Variants in MACROD2 observed in about 807,000 individuals in gnomAD.
The protein encoded by MACROD2 is ADP-ribose glycohydrolase MACROD2.
MACROD2 carries 36 observed loss-of-function variants against 70.4 expected under a neutral mutation model. The ratio of observed to expected loss-of-function variants is 0.51; its 90% confidence interval spans 0.39 to 0.68. The LOEUF (loss-of-function observed/expected upper bound fraction) is 0.68, where lower values mean the gene tolerates loss of function less well. Among genes scored for constraint, MACROD2 ranks in the 30% least tolerant of loss-of-function variants. MACROD2 has a pLI of 0.00. For synonymous variants in MACROD2, 172 were observed against 178.8 expected, an observed-to-expected ratio of 0.96 and a Z score of 0.30; for missense variants, 496 against 538.4, an observed-to-expected ratio of 0.92 and a Z score of 0.78.
chr20:14,530,674 A>T (rs1046123780), intron 4 of MACROD2, among the ~76,000 whole-genome samples: 2 of 152,234 alleles, frequency 1.3e-5, no homozygotes, highest in South Asian at 4.1e-4. Flanking sequence ...GTACATTTTA[A>T]TGTTACAGAG....
chr20:15,297,343 G>T (rs1454113603), intron 6 of MACROD2, among the ~76,000 whole-genome samples: 2 of 152,112 alleles, frequency 1.3e-5, no homozygotes. Flanking sequence ...GTTACAGCGG[G>T]CTTGTATTTT....
intron 3 of MACROD2, among the ~76,000 whole-genome samples, chr20:14,295,064 A>G (rs528710256): frequency 3.1e-4 from 47 of 151,854 alleles, no homozygotes; most frequent in African/African-American, 1.1e-3. Context: ...ACCCTTAACT[A>G]TATTTTTGAA....
chr20:14,486,931 T>C (rs575341587), intron 3 of MACROD2, among the ~76,000 whole-genome samples: 1 of 152,294 alleles, frequency 6.6e-6, no homozygotes, highest in East Asian at 1.9e-4. Flanking sequence ...TATTTTTTAA[T>C]TGACCTAAGC....
intron 6 of MACROD2, among the ~76,000 whole-genome samples, chr20:15,424,920 C>T (rs2146346684): frequency 6.6e-6 from 1 of 152,328 alleles, no homozygotes; most frequent in East Asian, 1.9e-4. Context: ...GGCTGGGCAA[C>T]TGCCATCCCT....
intron 3 of MACROD2, among the ~76,000 whole-genome samples, chr20:14,137,189 T>C (rs1049952171): frequency 5.3e-5 from 8 of 152,214 alleles, no homozygotes; most frequent in Non-Finnish European, 1.2e-4. Context: ...TAGCTTACTG[T>C]TGACCTCCAG....
Position 15,878,842 on chromosome 20 carries a change from G to A in MACROD2, c.728-6922G>A, listed in dbSNP as rs73248397. Reference sequence around the variant, plus strand: ...TGAAGGGGATTCTGAAGTATATAAAGCTAGCTTTTACCCAAAACTTGTTAT... The same window carrying A: ...TGAAGGGGATTCTGAAGTATATAAAACTAGCTTTTACCCAAAACTTGTTAT... On this transcript the variant is annotated intron_variant, in intron 9 of 17. Transcript: ENST00000684519. Among the ~76,000 whole-genome samples, 995 of 152,196 alleles carry A rather than the reference G, an allele frequency of 6.5e-3. 4 individuals are homozygous for A. The highest frequency in any genetic ancestry group is 0.019 in the African/African-American group (774 of 41,546).
At chr20:14,902,534 C>G (rs977985980) in intron 5 of MACROD2, among the ~76,000 whole-genome samples, 2 of 152,068 alleles carry the variant, frequency 1.3e-5, no homozygotes, top group Admixed American at 1.3e-4. Context: ...AAAAAGTGAC[C>G]TTTTTCAGAG....
At chr20:14,869,247 G>A (rs528688132) in intron 5 of MACROD2, among the ~76,000 whole-genome samples, 2 of 152,258 alleles carry the variant, frequency 1.3e-5, no homozygotes, top group South Asian at 4.2e-4. Context: ...AATTTGAATG[G>A]CAGTAACAAA....
chr20:15,935,041 A>G (rs968217007), intron 11 of MACROD2, among the ~76,000 whole-genome samples: 1 of 152,182 alleles, frequency 6.6e-6, no homozygotes, highest in African/African-American at 2.4e-5. Context: ...ATACATGTAC[A>G]CACGCACACT....
intron 8 of MACROD2, among the ~76,000 whole-genome samples, chr20:15,852,372 C>T (rs1243231319): frequency 6.6e-6 from 1 of 152,134 alleles, no homozygotes; most frequent in African/African-American, 2.4e-5. Context: ...AAAAAGCCCC[C>T]CAAAATAAAG....
Position 13,995,595 on chromosome 20 carries a change from AGGAGGGCGGCGACT to A in MACROD2, c.-164_-151del. 1 of 704,616 alleles carries A rather than the reference AGGAGGGCGGCGACT, an allele frequency of 1.4e-6. No individual in the cohort carries two copies. The highest frequency in any genetic ancestry group is 2.6e-6 in the Non-Finnish European group (1 of 389,652). 43.6% of individuals were successfully genotyped at this position (704,616 alleles called of 1,614,324 possible). A position where few individuals can be genotyped will look rare whatever the true frequency, so the allele number is the denominator to read the frequency against. On this transcript the variant is annotated 5_prime_UTR_variant, in exon 1 of 18. Coordinates refer to ENST00000684519, the MANE Select transcript of MACROD2 (RefSeq NM_001351661.2). This position sits in a 1 kb window ranked among gnomAD's most constrained non-coding sequence, Gnocchi z 4.3. ...GCCGGAGCCGAGCGCGGGCTGAGGG[AGGAGGGCGGCGACT>A]GGAGAGCGGCGAGCGGCGAGCAGCG...
chr20:14,087,362 CT>C (rs2054090588), intron 3 of MACROD2, among the ~76,000 whole-genome samples: 1 of 151,362 alleles, frequency 6.6e-6, no homozygotes, highest in African/African-American at 2.4e-5. Flanking sequence ...TACCACTGCA[CT>C]CCAGCCTGGG....
chr20:15,168,338 T>G (rs2076399516), intron 5 of MACROD2, among the ~76,000 whole-genome samples: 1 of 152,050 alleles, frequency 6.6e-6, no homozygotes, highest in Non-Finnish European at 1.5e-5. Context: ...GAGGGCATTC[T>G]AGGATCCTAG....
At chr20:15,439,575 A>G (rs1407916799) in intron 7 of MACROD2, among the ~76,000 whole-genome samples, 1 of 152,096 alleles carries the variant, frequency 6.6e-6, no homozygotes, top group Admixed American at 6.6e-5. Context: ...CAAACCATCA[A>G]TTGCAGTGAA....
At chr20:14,227,667 C>T (rs1194369157) in intron 3 of MACROD2, among the ~76,000 whole-genome samples, 1 of 152,228 alleles carries the variant, frequency 6.6e-6, no homozygotes, top group African/African-American at 2.4e-5. Context: ...TTCTTGAAGT[C>T]AGTGAGACCA....
chr20:14,468,100 G>T (rs867788589), intron 3 of MACROD2, among the ~76,000 whole-genome samples: 55 of 152,142 alleles, frequency 3.6e-4, no homozygotes, highest in African/African-American at 1.3e-3. Flanking sequence ...ATTTGGGGTG[G>T]AGAGTTCTGT....
chr20:14,037,375 T>C (rs2053326859), intron 2 of MACROD2, among the ~76,000 whole-genome samples: 1 of 152,224 alleles, frequency 6.6e-6, no homozygotes, highest in African/African-American at 2.4e-5. Flanking sequence ...ATTCAGTAAT[T>C]AATAAAGCCT....
chr20:14,310,579 A>G (rs2082558295), intron 3 of MACROD2, among the ~76,000 whole-genome samples: 1 of 152,218 alleles, frequency 6.6e-6, no homozygotes, highest in African/African-American at 2.4e-5. Flanking sequence ...TTGATAAGAA[A>G]AAATGACTAT....
intron 5 of MACROD2, among the ~76,000 whole-genome samples, chr20:15,050,799 A>G (rs1013817861): frequency 1.0e-5 from 1 of 96,900 alleles, no homozygotes; most frequent in African/African-American, 4.1e-5. Flanking sequence ...AAGGTATGTG[A>G]AAAAAAAAAA....
Sources: gnomAD v4.1 joint callset for allele counts (sites outside exome capture counted in the v4.1 genomes callset) on GRCh38, gnomAD v4.1.1 for gene constraint, Gnocchi (gnomAD v3.1) non-coding constraint, MANE v1.5 for transcripts, NCBI Gene and HGNC (gene_info 2026-07-23, HGNC 2026-07-21) for gene names.